SLC43A2: variants seen among roughly 807,000 people sequenced by gnomAD.
SLC43A2 encodes large neutral amino acids transporter small subunit 4.
Under a neutral mutation model 63.2 loss-of-function variants are expected in SLC43A2, and 38 were observed. That is an observed-to-expected ratio of 0.60 (90% CI 0.46 to 0.79). The LOEUF is 0.79. SLC43A2 is among the 30% of genes least tolerant of loss of function. SLC43A2 has a pLI of 0.00. For missense variants in SLC43A2, 644 were observed against 756.2 expected (o/e 0.85, Z 1.74); for synonymous variants, 322 against 331.0 (o/e 0.97, Z 0.30).
At chr17:1,627,685 G>C (rs1908787509) in intron 2 of SLC43A2, 30 bp downstream of exon 2, 6 of 1,390,868 alleles carry the variant, frequency 4.3e-6, no homozygotes, top group South Asian at 2.9e-5. Context: ...AGCTCCAGGA[G>C]CCCCCCGCAA....
intron 9 of SLC43A2, chr17:1,586,928 T>TCCTCCCCCCC: frequency 8.1e-7 from 1 of 1,232,916 alleles, no homozygotes. Flanking sequence ...TCCCTGACAA[T>TCCTCCCCCCC]CCCCCCCACC....
chr17:1,575,901 T>G, intron 13 of SLC43A2, 136 bp from the exon 14 acceptor site: 2 of 1,011,076 alleles, frequency 2.0e-6, no homozygotes, highest in Non-Finnish European at 2.8e-6. Flanking sequence ...GCCCACGAGG[T>G]CCCATATGCC....
chr17:1,595,048 AG>A lies in SLC43A2; in HGVS notation c.502-1770del, dbSNP rs201392069. Among the ~76,000 whole-genome samples the A allele has an allele frequency of 4.8e-3, 731 of 151,876 alleles. 3 individuals carry two copies. Among genetic ancestry groups the A allele is most frequent in the Non-Finnish European group, 8.1e-3 (549 of 67,942 alleles). ...AAGTTAAAAAAAAGAGAGAGAGACA[AG>A]GGGGGCAGATCACCTGAGGTCAGGA... On this transcript the variant is annotated intron_variant, in intron 5 of 13. Transcript: ENST00000301335.
intron 5 of SLC43A2, among the ~76,000 whole-genome samples, chr17:1,594,332 C>G (rs11652773): frequency 0.22 from 32,876 of 152,096 alleles, 4,343 homozygotes; most frequent in Non-Finnish European, 0.31. Flanking sequence ...AACTCTTGCT[C>G]ATTCTACCGA....
In SLC43A2 at chr17:1,627,888, G is replaced by C. The variant is rs1567654875; in HGVS notation, c.-14C>G. ...GGTGGGCGCCATGGTGCGGCGCGGC[G>C]CGGCTCCGGCTCCGGCTCCGGCTCT... On this transcript the variant is annotated 5_prime_UTR_variant, in exon 2 of 14. Coordinates refer to ENST00000301335, the MANE Select transcript of SLC43A2 (RefSeq NM_152346.3). The C allele has an allele frequency of 6.5e-7, 1 of 1,547,002 alleles. No homozygotes were observed. Among genetic ancestry groups the C allele is most frequent in the East Asian group, 2.5e-5 (1 of 40,472 alleles).
In SLC43A2 at chr17:1,602,094, C is replaced by T. The variant is rs139184613; in HGVS notation, c.502-8815G>A. ...CACTGTGACTACCCCAGGTGTGCGC[C>T]GCCCTCCTGAAGGTGCGTGTGGGTC... On this transcript the variant is annotated intron_variant, in intron 5 of 13. Coordinates refer to ENST00000301335, the MANE Select transcript of SLC43A2 (RefSeq NM_152346.3). 4.8e-3 allele frequency among the ~76,000 whole-genome samples: 731 copies of T among 152,310 alleles called. 6 individuals are homozygous for T. Among genetic ancestry groups the T allele is most frequent in the African/African-American group, 0.011 (468 of 41,540 alleles).
chr17:1,598,750 C>T (rs1275366169), intron 5 of SLC43A2, among the ~76,000 whole-genome samples: 1 of 152,162 alleles, frequency 6.6e-6, no homozygotes, highest in African/African-American at 2.4e-5. Flanking sequence ...GAGTCTTCTC[C>T]CCAGCACTAG....
chr17:1,591,857 C>T lies in SLC43A2; in HGVS notation c.595-158G>A, dbSNP rs568858377. ...CCTGCCAGCCTGGGCGTTGGGGCAT[C>T]AGGCACCCGCCTTCCAGTCCTCCCA... On this transcript the variant is annotated intron_variant, in intron 6 of 13. Coordinates refer to ENST00000301335, the MANE Select transcript of SLC43A2 (RefSeq NM_152346.3). Among the ~76,000 whole-genome samples, 6 of 152,250 alleles carry T rather than the reference C, an allele frequency of 3.9e-5. 1 individual carries two copies. The South Asian group carries it at 1.2e-3, about 32-fold the overall frequency.
At chr17:1,622,640 G>A (rs533214242) in intron 2 of SLC43A2, among the ~76,000 whole-genome samples, 3 of 151,972 alleles carry the variant, frequency 2.0e-5, no homozygotes, top group East Asian at 1.9e-4. Flanking sequence ...TGAGCTGGGC[G>A]CAGTGGCTCA....
At chr17:1,604,936 T>TGA in intron 5 of SLC43A2, 1 of 1,518,760 alleles carries the variant, frequency 6.6e-7, no homozygotes, top group Non-Finnish European at 8.8e-7. Flanking sequence ...GAAGCCGCGG[T>TGA]GCCGGAGTGA....
At chr17:1,598,073 C>A (rs559428766) in intron 5 of SLC43A2, among the ~76,000 whole-genome samples, 5 of 152,274 alleles carry the variant, frequency 3.3e-5, no homozygotes, top group Non-Finnish European at 7.4e-5. Context: ...TCTGCTTATG[C>A]GGAAGGAGGG....
At chr17:1,614,403 CCT>C (rs1300051843) in intron 4 of SLC43A2, among the ~76,000 whole-genome samples, 1 of 102,422 alleles carries the variant, frequency 9.8e-6, no homozygotes, top group African/African-American at 2.9e-5. Flanking sequence ...AGAGAGAGAC[CCT>C]GTCTCTAAAA....
intron 2 of SLC43A2, among the ~76,000 whole-genome samples, chr17:1,619,582 C>T (rs948889371): frequency 6.6e-6 from 1 of 152,208 alleles, no homozygotes; most frequent in African/African-American, 2.4e-5. Flanking sequence ...GAGCTCAGAG[C>T]GGTCATGTAC....
In SLC43A2 at chr17:1,591,532, TGGGGGCAGGCGGGAC is replaced by T; in HGVS notation, c.728+19_728+33del. 1 of 1,596,196 alleles carries T rather than the reference TGGGGGCAGGCGGGAC, an allele frequency of 6.3e-7. No individual in the cohort carries two copies. Among genetic ancestry groups the T allele is most frequent in the Non-Finnish European group, 8.5e-7 (1 of 1,172,666 alleles). ...GGGACCCCGGCTGGGGGGCGGGGGC[TGGGGGCAGGCGGGAC>T]GGGGGCACCTCTACTTACGAGTAGT... is the stretch of plus-strand genomic sequence containing the variant. On this transcript the variant is annotated intron_variant, in intron 7 of 13. Transcript: ENST00000301335.
At chr17:1,580,419 G>T (rs1193316118) in intron 11 of SLC43A2, among the ~76,000 whole-genome samples, 1 of 152,204 alleles carries the variant, frequency 6.6e-6, no homozygotes, top group African/African-American at 2.4e-5. Flanking sequence ...CCACGGCCTC[G>T]AGCTGCCTTT....
chr17:1,590,395 G>A (rs1024452273), intron 9 of SLC43A2, among the ~76,000 whole-genome samples: 1 of 152,096 alleles, frequency 6.6e-6, no homozygotes, highest in Admixed American at 6.6e-5. Flanking sequence ...TCCTGACCTC[G>A]ATGCCCAGGG....
intron 2 of SLC43A2, among the ~76,000 whole-genome samples, chr17:1,620,958 C>G (rs1229815085): frequency 6.6e-6 from 1 of 152,164 alleles, no homozygotes; most frequent in African/African-American, 2.4e-5. Flanking sequence ...CTGCTCTGCT[C>G]CTCACCTGCA....
intron 11 of SLC43A2, among the ~76,000 whole-genome samples, chr17:1,580,875 C>T (rs1370623385): frequency 6.6e-6 from 1 of 152,028 alleles, no homozygotes; most frequent in Non-Finnish European, 1.5e-5. Context: ...GTAGCTGGGA[C>T]TACAGGTGCA....
At chr17:1,624,567 G>A (rs920789665) in intron 2 of SLC43A2, among the ~76,000 whole-genome samples, 11 of 152,028 alleles carry the variant, frequency 7.2e-5, no homozygotes, top group Non-Finnish European at 7.4e-5. Context: ...AGCCGGGCGT[G>A]GTGGTGGGCA....
Sources: gnomAD v4.1 joint callset for allele counts (sites outside exome capture counted in the v4.1 genomes callset) on GRCh38, gnomAD v4.1.1 for gene constraint, MANE v1.5 for transcripts, NCBI Gene and HGNC (gene_info 2026-07-23, HGNC 2026-07-21) for gene names.